Variants in SERINC5 observed in about 807,000 individuals in gnomAD.
SERINC5 encodes the protein chromosome 5 open reading frame 12.
Under a neutral mutation model 63.1 loss-of-function variants are expected in SERINC5, and 41 were observed. The observed-to-expected ratio is 0.65, with a 90% CI of 0.51 to 0.84. SERINC5 has a LOEUF of 0.84. SERINC5 is among the 40% of genes least tolerant of loss of function. The pLI is 0.00. For missense variants in SERINC5, 523 were observed against 573.0 expected, an observed-to-expected ratio of 0.91 and a Z score of 0.89; for synonymous variants, 222 against 215.2, an observed-to-expected ratio of 1.03 and a Z score of -0.28.
chr5:80,173,810 T>C (rs949316417), intron 5 of SERINC5, among the ~76,000 whole-genome samples: 2 of 152,044 alleles, frequency 1.3e-5, no homozygotes, highest in African/African-American at 2.4e-5. Flanking sequence ...CCTTTTCACC[T>C]TTCTGCACTT....
At chr5:80,174,299 C>A (rs1232161840) in intron 5 of SERINC5, among the ~76,000 whole-genome samples, 1 of 150,540 alleles carries the variant, frequency 6.6e-6, no homozygotes, top group Non-Finnish European at 1.5e-5. Context: ...CCTGGGAAAT[C>A]GAAGCTGCAG....
chr5:80,244,080 A>C (rs1302548356), intron 1 of SERINC5, among the ~76,000 whole-genome samples: 1 of 151,974 alleles, frequency 6.6e-6, no homozygotes, highest in African/African-American at 2.4e-5. Flanking sequence ...CCCAGCCCAG[A>C]CCTCTTTAGG....
intron 1 of SERINC5, among the ~76,000 whole-genome samples, chr5:80,253,735 A>T (rs1752526284): frequency 6.6e-6 from 1 of 152,118 alleles, no homozygotes; most frequent in Non-Finnish European, 1.5e-5. Flanking sequence ...CGGCCTTCTG[A>T]CAGTACCAGT....
rs1745452085 is a variant in SERINC5, at chr5:80,140,635, C to T, written c.*3028G>A. 4.1e-6 allele frequency: 4 copies of T among 985,266 alleles called. No homozygotes were observed. The highest frequency in any genetic ancestry group is 4.8e-6 in the Non-Finnish European group (4 of 829,906). The allele number at this position is 985,266 out of a possible 1,614,324, so 61.0% of individuals were successfully genotyped here. On this transcript the variant is annotated 3_prime_UTR_variant, in exon 12 of 12. Transcript: ENST00000507668. ...TTTAAAAAGCTAGACACAGTAAAGA[C>T]GTGGTTGGGTTTCTGAAGGCTTATA... is the stretch of plus-strand genomic sequence containing the variant.
chr5:80,125,611 T>C (rs985629832), intron 11 of SERINC5, among the ~76,000 whole-genome samples: 1 of 152,222 alleles, frequency 6.6e-6, no homozygotes, highest in Non-Finnish European at 1.5e-5. Context: ...ATGGGCTTTC[T>C]ACACAGGAAT....
chr5:80,232,908 C>T (rs1407423717), intron 1 of SERINC5, among the ~76,000 whole-genome samples: 1 of 152,022 alleles, frequency 6.6e-6, no homozygotes, highest in African/African-American at 2.4e-5. Flanking sequence ...TAATAGGAAA[C>T]GTCTACAAAA....
At chr5:80,176,919 A>G (rs1748071200) in intron 4 of SERINC5, among the ~76,000 whole-genome samples, 1 of 152,256 alleles carries the variant, frequency 6.6e-6, no homozygotes, top group African/African-American at 2.4e-5. Context: ...ATATAATTCA[A>G]TGCTACAGAG....
chr5:80,199,070 G>T (rs533181870), intron 2 of SERINC5, among the ~76,000 whole-genome samples: 10 of 152,194 alleles, frequency 6.6e-5, no homozygotes, highest in Admixed American at 5.2e-4. Flanking sequence ...AATCTGTAAT[G>T]GCTTCCCACT....
intron 1 of SERINC5, among the ~76,000 whole-genome samples, chr5:80,235,721 C>T (rs1026139158): frequency 6.6e-6 from 1 of 152,294 alleles, no homozygotes; most frequent in Admixed American, 6.5e-5. Context: ...CTCAGCCTCC[C>T]AAGTAGCTGG....
At chr5:80,125,414 T>C (rs1054404892) in intron 11 of SERINC5, among the ~76,000 whole-genome samples, 4 of 151,868 alleles carry the variant, frequency 2.6e-5, no homozygotes, top group South Asian at 4.2e-4. Context: ...TTGATAGAAA[T>C]AGGGAAAGAG....
intron 1 of SERINC5, among the ~76,000 whole-genome samples, chr5:80,226,438 C>T (rs115803493): frequency 0.018 from 2,688 of 152,202 alleles, 35 homozygotes; most frequent in Middle Eastern, 0.027. Context: ...ATTCCAAAAC[C>T]AGTTTTCCTT....
chr5:80,205,609 G>A (rs1367812571), intron 1 of SERINC5, among the ~76,000 whole-genome samples: 1 of 152,202 alleles, frequency 6.6e-6, no homozygotes, highest in African/African-American at 2.4e-5. Context: ...CAGAGCTCCT[G>A]CTATACCACT....
intron 1 of SERINC5, among the ~76,000 whole-genome samples, chr5:80,215,599 T>C (rs1190293792): frequency 6.6e-6 from 1 of 152,226 alleles, no homozygotes; most frequent in African/African-American, 2.4e-5. Flanking sequence ...GTTCAGAGAA[T>C]CCTCTAAAGC....
rs368524252 is a variant in SERINC5 at position 80,205,975 on chromosome 5, C to CAAAA, written c.28-2926_28-2923dup. Among the ~76,000 whole-genome samples the CAAAA allele has an allele frequency of 9.1e-3, 673 of 74,300 alleles. 49 individuals are homozygous for CAAAA. The highest frequency in any genetic ancestry group is 0.052 in the Admixed American group (358 of 6,926). 48.7% of individuals were successfully genotyped at this position (74,300 alleles called of 152,430 possible). On this transcript the variant is annotated intron_variant, in intron 1 of 11. Transcript: ENST00000507668. ...AATATTAGCCGGGTGTGGTGGTGCA[C>CAAAA]AAAAAAAAAAAAAAAAAAAACCTCA...
In SERINC5 at chr5:80,140,237, G is replaced by A. The variant is rs573872987; in HGVS notation, c.*3426C>T. 2.0e-5 allele frequency: 18 copies of A among 883,328 alleles called. No homozygotes were observed. The Admixed American group carries it at 4.6e-4, about 23-fold the overall frequency. 54.7% of individuals were successfully genotyped at this position (883,328 alleles called of 1,614,324 possible). On this transcript the variant is annotated 3_prime_UTR_variant, in exon 12 of 12. Transcript: ENST00000507668. ...GGGAGGTGGTCCTTGAGCCCAGGAG[G>A]TCAAGCCTGCCATGAGTCAAGATCA...
chr5:80,207,031 CT>C (rs1473026717), intron 1 of SERINC5, among the ~76,000 whole-genome samples: 1 of 151,996 alleles, frequency 6.6e-6, no homozygotes. Flanking sequence ...CGGAGTCTCA[CT>C]CAGTCGCCCA....
rs144726791 is a variant in SERINC5 at position 80,160,400 on chromosome 5, G to A, written c.860-1438C>T. On this transcript the variant is annotated intron_variant, in intron 7 of 11. Coordinates refer to ENST00000507668, the MANE Select transcript of SERINC5 (RefSeq NM_001174072.3). ...CATTTGGAACACCCAACCTAGGTCT[G>A]ACTGCCAACTTTGCCACCAAAGCAA... 7.2e-3 allele frequency among the ~76,000 whole-genome samples: 1,089 copies of A among 152,282 alleles called. 9 individuals are homozygous for A. Among genetic ancestry groups the A allele is most frequent in the African/African-American group, 0.019 (795 of 41,550 alleles).
rs1330331719 is a variant in SERINC5 at position 80,140,728 on chromosome 5, C to T, written c.*2935G>A. The T allele has an allele frequency of 3.0e-6, 3 of 984,670 alleles. No homozygotes were observed. The highest frequency in any genetic ancestry group is 3.6e-6 in the Non-Finnish European group (3 of 829,506). 61.0% of individuals were successfully genotyped at this position (984,670 alleles called of 1,614,324 possible). On this transcript the variant is annotated 3_prime_UTR_variant, in exon 12 of 12. Transcript: ENST00000507668. ...TATGACACTCCCATAAGAACCCCCA[C>T]CCCCCTGCCACCCACTTAGTGTTTT...
chr5:80,225,415 G>GT (rs1751125040), intron 1 of SERINC5, among the ~76,000 whole-genome samples: 1 of 152,208 alleles, frequency 6.6e-6, no homozygotes, highest in Admixed American at 6.5e-5. Flanking sequence ...AATGATTGGT[G>GT]TAACACCTTG....
Sources: allele counts gnomAD v4.1 joint callset (sites outside exome capture counted in the v4.1 genomes callset), GRCh38; gene constraint gnomAD v4.1.1; transcripts MANE v1.5; gene names NCBI Gene and HGNC (gene_info 2026-07-23, HGNC 2026-07-21).